ITPK1: variants seen among roughly 807,000 people sequenced by gnomAD.
ITPK1 encodes the protein inositol 1,3,4-trisphosphate 5/6-kinase.
In ITPK1, 21 loss-of-function variants were observed where a neutral mutation model predicts 45.3. The observed-to-expected ratio is 0.46, with a 90% CI of 0.33 to 0.67. The LOEUF is 0.67. Among genes scored for constraint, ITPK1 ranks in the 30% least tolerant of loss-of-function variants. The pLI, the probability that ITPK1 is intolerant of heterozygous loss-of-function variation, is 0.02. For synonymous variants in ITPK1, 258 were observed against 253.6 expected (o/e 1.02, Z -0.16); for missense variants, 474 against 573.5 (o/e 0.83, Z 1.77).
rs574817051 is a variant in ITPK1 at position 92,994,672 on chromosome 14, G to A, written c.247-675C>T. Among the ~76,000 whole-genome samples, 10 of 152,266 alleles carry A rather than the reference G, an allele frequency of 6.6e-5. No individual in the cohort carries two copies. The East Asian group carries it at 1.7e-3, about 26-fold the overall frequency. On this transcript the variant is annotated intron_variant, in intron 4 of 10. Coordinates refer to ENST00000267615, the MANE Select transcript of ITPK1 (RefSeq NM_014216.6). ...CCACCCAGGTGGGCCAGACCAACCC[G>A]AGCTGACATAGCGAAGGAGCCCACC...
chr14:92,944,646 G>A (rs1345242426), intron 10 of ITPK1, among the ~76,000 whole-genome samples: 1 of 152,042 alleles, frequency 6.6e-6, no homozygotes, highest in Admixed American at 6.6e-5. Context: ...AGCCACTGAC[G>A]TTGTCCCCTT....
At chr14:93,009,470 C>T (rs1477063817) in intron 4 of ITPK1, among the ~76,000 whole-genome samples, 1 of 152,190 alleles carries the variant, frequency 6.6e-6, no homozygotes, top group Admixed American at 6.5e-5. Context: ...GGCCACATGT[C>T]TTCCTGGGGA....
At chr14:93,096,388 A>T (rs899256797) in intron 2 of ITPK1, among the ~76,000 whole-genome samples, 1 of 152,232 alleles carries the variant, frequency 6.6e-6, no homozygotes, top group Admixed American at 6.5e-5. Context: ...ACTGGTTGAC[A>T]TGTCTGTACC....
chr14:92,949,717 T>G (rs1887867587), intron 9 of ITPK1, among the ~76,000 whole-genome samples: 1 of 152,270 alleles, frequency 6.6e-6, no homozygotes, highest in Non-Finnish European at 1.5e-5. Flanking sequence ...GCTGCTGCAC[T>G]GCCACACGCC....
intron 3 of ITPK1, among the ~76,000 whole-genome samples, chr14:93,074,275 G>T (rs541816815): frequency 3.5e-4 from 53 of 152,308 alleles, no homozygotes; most frequent in African/African-American, 1.2e-3. Flanking sequence ...TAAATGAACA[G>T]CATACATGTC....
At chr14:92,963,658 A>G (rs8022484) in intron 5 of ITPK1, among the ~76,000 whole-genome samples, 35,539 of 152,186 alleles carry the variant, frequency 0.23, 4,878 homozygotes, top group African/African-American at 0.37. Context: ...GGATTCTAAG[A>G]GTGAGTCCAA....
intron 2 of ITPK1, among the ~76,000 whole-genome samples, chr14:93,082,211 C>T (rs1027874105): frequency 3.3e-5 from 5 of 152,238 alleles, no homozygotes; most frequent in South Asian, 2.1e-4. Flanking sequence ...ATAGTTGTGA[C>T]GCTCACAGTC....
At chr14:92,975,224 C>T (rs1885879642) in intron 5 of ITPK1, among the ~76,000 whole-genome samples, 1 of 152,274 alleles carries the variant, frequency 6.6e-6, no homozygotes, top group South Asian at 2.1e-4. Flanking sequence ...TGCCTCCCTC[C>T]TCCCAAGCTC....
chr14:93,060,901 AG>A (rs1890490970), intron 3 of ITPK1, among the ~76,000 whole-genome samples: 1 of 152,224 alleles, frequency 6.6e-6, no homozygotes, highest in South Asian at 2.1e-4. Context: ...TATGAGAACT[AG>A]GAAGATAAAA....
At chr14:93,094,903 G>A (rs1002677588) in intron 2 of ITPK1, among the ~76,000 whole-genome samples, 3 of 152,218 alleles carry the variant, frequency 2.0e-5, no homozygotes, top group Admixed American at 2.0e-4. Context: ...ACAGCGTCAC[G>A]CCTTGGCACA....
At chr14:93,102,195 T>C (rs1341754105) in intron 2 of ITPK1, among the ~76,000 whole-genome samples, 1 of 152,240 alleles carries the variant, frequency 6.6e-6, no homozygotes, top group African/African-American at 2.4e-5. Flanking sequence ...AGCTGGGGCC[T>C]GGACTGGCCT....
At chr14:93,046,682 T>C (rs373214026) in intron 3 of ITPK1, among the ~76,000 whole-genome samples, 14 of 152,214 alleles carry the variant, frequency 9.2e-5, no homozygotes, top group Admixed American at 5.2e-4. Flanking sequence ...AACAGGAGAC[T>C]GGTGTTTTTC....
At chr14:93,097,993 A>C (rs1175759109) in intron 2 of ITPK1, among the ~76,000 whole-genome samples, 1 of 151,698 alleles carries the variant, frequency 6.6e-6, no homozygotes, top group African/African-American at 2.4e-5. Context: ...CTGGGCGACA[A>C]GAGCAAAACT....
In ITPK1 at chr14:93,024,116, C is replaced by T. The variant is rs185328431; in HGVS notation, c.121-7315G>A. On this transcript the variant is annotated intron_variant, in intron 3 of 10. Transcript: ENST00000267615. ...CCACAAGGTGGGGAGTCAGAAGCCA[C>T]GTAACAAAGCCTGACCGCCCTGTGT... Among the ~76,000 whole-genome samples the T allele has an allele frequency of 1.3e-3, 199 of 151,910 alleles. 1 individual carries two copies. Among genetic ancestry groups the T allele is most frequent in the Non-Finnish European group, 2.4e-3 (162 of 68,012 alleles).
chr14:93,046,673 AC>A (rs1889791784), intron 3 of ITPK1, among the ~76,000 whole-genome samples: 1 of 152,176 alleles, frequency 6.6e-6, no homozygotes, highest in Non-Finnish European at 1.5e-5. Context: ...CAGGGCAGAA[AC>A]AGGAGACTGG....
intron 10 of ITPK1, among the ~76,000 whole-genome samples, chr14:92,944,146 T>C (rs762847118): frequency 5.9e-5 from 9 of 152,262 alleles, no homozygotes; most frequent in Non-Finnish European, 1.2e-4. Context: ...AGCCCCTCTC[T>C]GGAGGGGCCC....
intron 3 of ITPK1, among the ~76,000 whole-genome samples, chr14:93,041,722 TC>T (rs569450202): frequency 1.6e-3 from 241 of 152,304 alleles, no homozygotes; most frequent in African/African-American, 5.5e-3. Flanking sequence ...GCTTCCTGAA[TC>T]CCAGCACCAG....
At chr14:93,009,394 T>C (rs1887778741) in intron 4 of ITPK1, among the ~76,000 whole-genome samples, 1 of 152,108 alleles carries the variant, frequency 6.6e-6, no homozygotes, top group Non-Finnish European at 1.5e-5. Context: ...GGCTTTGGGG[T>C]GCCCTCTCCT....
At chr14:93,038,285 T>C (rs1425294031) in intron 3 of ITPK1, among the ~76,000 whole-genome samples, 1 of 152,148 alleles carries the variant, frequency 6.6e-6, no homozygotes, top group Non-Finnish European at 1.5e-5. Flanking sequence ...TCTGCCCACC[T>C]CAGCCTCCCA....
Sources: gnomAD v4.1 joint callset for allele counts (sites outside exome capture counted in the v4.1 genomes callset) on GRCh38, gnomAD v4.1.1 for gene constraint, MANE v1.5 for transcripts, NCBI Gene and HGNC (gene_info 2026-07-23, HGNC 2026-07-21) for gene names.